Variants in PRKG1 observed in about 807,000 individuals in gnomAD.
The protein encoded by PRKG1 is cGMP-dependent protein kinase 1.
PRKG1 carries 35 observed loss-of-function variants against 88.1 expected under a neutral mutation model. The observed-to-expected ratio is 0.40, with a 90% confidence interval of 0.30 to 0.53. The LOEUF (loss-of-function observed/expected upper bound fraction) is 0.53, where lower values mean the gene tolerates loss of function less well. Ranked by LOEUF, PRKG1 falls within the 20% of genes least tolerant of loss-of-function variation. PRKG1 has a pLI of 0.59. For missense variants in PRKG1, 540 were observed against 839.8 expected, an observed-to-expected ratio of 0.64 and a Z score of 4.41; for synonymous variants, 303 against 292.5, an observed-to-expected ratio of 1.04 and a Z score of -0.37.
intron 9 of PRKG1, among the ~76,000 whole-genome samples, chr10:52,222,506 G>A (rs1389035287): frequency 6.6e-6 from 1 of 152,136 alleles, no homozygotes; most frequent in Non-Finnish European, 1.5e-5. Flanking sequence ...CCAGGAGTGA[G>A]AATATGGGAT....
intron 2 of PRKG1, among the ~76,000 whole-genome samples, chr10:51,281,945 A>G (rs1384211527): frequency 6.6e-6 from 1 of 152,130 alleles, no homozygotes; most frequent in Non-Finnish European, 1.5e-5. Flanking sequence ...TGAAATCAGC[A>G]TTTTTCATAG....
At chr10:51,882,389 A>C (rs942407611) in intron 4 of PRKG1, among the ~76,000 whole-genome samples, 2 of 152,186 alleles carry the variant, frequency 1.3e-5, no homozygotes, top group South Asian at 4.1e-4. Flanking sequence ...CCTGGTGTTC[A>C]CAACTTTCCT....
intron 8 of PRKG1, among the ~76,000 whole-genome samples, chr10:52,141,133 T>C (rs1837569996): frequency 6.6e-6 from 1 of 152,108 alleles, no homozygotes; most frequent in Non-Finnish European, 1.5e-5. Context: ...TACAGAGCTG[T>C]TATTGACTGG....
intron 4 of PRKG1, among the ~76,000 whole-genome samples, chr10:51,847,462 A>T (rs1840428711): frequency 6.6e-6 from 1 of 152,082 alleles, no homozygotes; most frequent in Admixed American, 6.6e-5. Flanking sequence ...TCTAAATGTG[A>T]TGACTTACTA....
chr10:51,895,408 A>T (rs1322565120), intron 4 of PRKG1, among the ~76,000 whole-genome samples: 1 of 152,088 alleles, frequency 6.6e-6, no homozygotes, highest in African/African-American at 2.4e-5. Context: ...TCTTGCCCAC[A>T]TGTTCCTGAG....
chr10:51,912,243 G>C (rs1490380522), intron 5 of PRKG1, among the ~76,000 whole-genome samples: 1 of 152,232 alleles, frequency 6.6e-6, no homozygotes, highest in African/African-American at 2.4e-5. Flanking sequence ...AGTGTGTTGA[G>C]AGGAGGCTAC....
At position 51,088,803 on chromosome 10, in the gene PRKG1, A is replaced by G. The variant is rs149382458; in HGVS notation, c.311+13902A>G. 5.9e-4 allele frequency among the ~76,000 whole-genome samples: 82 copies of G among 140,118 alleles called. 2 individuals carry two copies. In the East Asian group the frequency reaches 0.016, roughly 27 times the overall value. The allele number at this position is 140,118 out of a possible 152,430, so 91.9% of individuals were successfully genotyped here. ...ATGGATGGCACACAGTAGATATTTA[A>G]TATGATTTTTTTTTTTTTTTTTTGT... On this transcript the variant is annotated intron_variant, in intron 1 of 17. Coordinates refer to ENST00000373980, the MANE Select transcript of PRKG1 (RefSeq NM_006258.4).
intron 3 of PRKG1, among the ~76,000 whole-genome samples, chr10:51,486,585 C>T (rs1014739685): frequency 6.6e-6 from 1 of 152,080 alleles, no homozygotes; most frequent in Non-Finnish European, 1.5e-5. Context: ...GAATAGCCCT[C>T]CACCTATTTT....
At chr10:52,226,396 T>G (rs569426030) in intron 9 of PRKG1, among the ~76,000 whole-genome samples, 1 of 152,286 alleles carries the variant, frequency 6.6e-6, no homozygotes, top group Non-Finnish European at 1.5e-5. Context: ...GGAATCATAG[T>G]TTGTCCCTCA....
chr10:51,038,892 C>T (rs770335270), intron 1 of PRKG1, among the ~76,000 whole-genome samples: 1 of 152,174 alleles, frequency 6.6e-6, no homozygotes, highest in Non-Finnish European at 1.5e-5. Flanking sequence ...ATTTATACAC[C>T]TACTGTGTAC....
At chr10:51,773,061 A>C (rs532982714) in intron 3 of PRKG1, among the ~76,000 whole-genome samples, 12 of 152,202 alleles carry the variant, frequency 7.9e-5, no homozygotes, top group Non-Finnish European at 1.5e-4. Flanking sequence ...TACATAACTC[A>C]GTGGATTTGA....
chr10:52,193,978 C>T (rs1226144203), intron 9 of PRKG1, among the ~76,000 whole-genome samples: 1 of 151,996 alleles, frequency 6.6e-6, no homozygotes, highest in Non-Finnish European at 1.5e-5. Context: ...AAATGTCTAT[C>T]TAAAAGGTAG....
At chr10:51,876,998 G>A (rs2132870517) in intron 4 of PRKG1, among the ~76,000 whole-genome samples, 1 of 152,206 alleles carries the variant, frequency 6.6e-6, no homozygotes, top group South Asian at 2.1e-4. Context: ...CAGATAAACT[G>A]TTCACACTCA....
At chr10:51,709,206 C>A (rs1841682326) in intron 3 of PRKG1, among the ~76,000 whole-genome samples, 2 of 152,194 alleles carry the variant, frequency 1.3e-5, no homozygotes, top group Admixed American at 6.5e-5. Context: ...TGTTTAGCCA[C>A]CAATTCACAG....
At chr10:51,039,931 T>A (rs1843398551) in intron 1 of PRKG1, among the ~76,000 whole-genome samples, 2 of 152,192 alleles carry the variant, frequency 1.3e-5, no homozygotes, top group Non-Finnish European at 2.9e-5. Context: ...TCTATTGGTC[T>A]ATGTGTCTGT....
chr10:52,075,524 C>T (rs1014818370), intron 7 of PRKG1, among the ~76,000 whole-genome samples: 1 of 152,182 alleles, frequency 6.6e-6, no homozygotes, highest in African/African-American at 2.4e-5. Context: ...GTAGCCAAGG[C>T]AGTGTGGTAT....
intron 2 of PRKG1, among the ~76,000 whole-genome samples, chr10:51,193,608 A>C (rs1466743731): frequency 6.6e-6 from 1 of 152,028 alleles, no homozygotes; most frequent in Non-Finnish European, 1.5e-5. Flanking sequence ...TTGTTTGTAA[A>C]TTAATATAAA....
At position 51,660,267 on chromosome 10, in the gene PRKG1, T is replaced by C. The variant is rs74363029; in HGVS notation, c.593-144318T>C. Among the ~76,000 whole-genome samples the C allele has an allele frequency of 7.8e-3, 1,182 of 152,028 alleles. 10 individuals are homozygous for C. The highest frequency in any genetic ancestry group is 0.013 in the Non-Finnish European group (897 of 67,936). ...AATCATGCTGAATGCTAGCTATAAT[T>C]ATAAGACCATCACCACCGGCAGCAC... is the stretch of plus-strand genomic sequence containing the variant. On this transcript the variant is annotated intron_variant, in intron 3 of 17. Coordinates refer to ENST00000373980, the MANE Select transcript of PRKG1 (RefSeq NM_006258.4).
At position 51,981,663 on chromosome 10, in the gene PRKG1, G is replaced by A. The variant is rs936764007; in HGVS notation, c.763-72821G>A. On this transcript the variant is annotated intron_variant, in intron 5 of 17. Coordinates refer to ENST00000373980, the MANE Select transcript of PRKG1 (RefSeq NM_006258.4). ...GCCCCCAATCTCTTCTGGCTTGTAGGGTTCTGCTGAGTGGTCCCCTGTTAG... is the reference window on the plus strand; with the variant it reads ...GCCCCCAATCTCTTCTGGCTTGTAGAGTTCTGCTGAGTGGTCCCCTGTTAG... Among the ~76,000 whole-genome samples, 6 of 152,064 alleles carry A rather than the reference G, an allele frequency of 3.9e-5. No individual in the cohort carries two copies. The East Asian group carries it at 9.6e-4, about 24-fold the overall frequency.
Sources: gnomAD v4.1 joint callset for allele counts (sites outside exome capture counted in the v4.1 genomes callset) on GRCh38, gnomAD v4.1.1 for gene constraint, MANE v1.5 for transcripts, NCBI Gene and HGNC (gene_info 2026-07-23, HGNC 2026-07-21) for gene names.